The following BMPR1B variants were observed in gnomAD, a reference collection of about 807,000 sequenced individuals.
The protein encoded by BMPR1B is bone morphogenetic protein receptor type-1B.
Under a neutral mutation model 59.1 loss-of-function variants are expected in BMPR1B, and 12 were observed. The observed-to-expected ratio is 0.20, with a 90% CI of 0.13 to 0.33. The LOEUF is 0.33. Ranked by LOEUF, BMPR1B falls within the 10% of genes least tolerant of loss-of-function variation. The probability of loss-of-function intolerance (pLI) is 1.00; values close to 1 mark genes in which losing one functional copy is unlikely to be tolerated. For synonymous variants in BMPR1B, 237 were observed against 207.3 expected (o/e 1.14, Z -1.23); for missense variants, 550 against 610.9 (o/e 0.90, Z 1.05).
intron 3 of BMPR1B, among the ~76,000 whole-genome samples, chr4:95,028,202 A>G (rs970621686): frequency 2.6e-5 from 4 of 152,170 alleles, no homozygotes; most frequent in Non-Finnish European, 5.9e-5. Flanking sequence ...ACCTTTTTCT[A>G]TTAATTATTT....
chr4:94,840,182 G>T (rs1381660279), intron 1 of BMPR1B, among the ~76,000 whole-genome samples: 1 of 147,506 alleles, frequency 6.8e-6, no homozygotes, highest in Non-Finnish European at 1.5e-5. Flanking sequence ...TTTCTCTCTG[G>T]CTGCCCTTAA....
At chr4:94,963,903 A>C (rs906679479) in intron 2 of BMPR1B, among the ~76,000 whole-genome samples, 7 of 152,088 alleles carry the variant, frequency 4.6e-5, no homozygotes, top group Non-Finnish European at 7.4e-5. Context: ...ATTTCATTAA[A>C]TCTGTAGGTC....
At chr4:95,137,649 A>C (rs1733899569) in intron 10 of BMPR1B, among the ~76,000 whole-genome samples, 1 of 152,070 alleles carries the variant, frequency 6.6e-6, no homozygotes. Flanking sequence ...TGATCCCTTT[A>C]CCATTATGTA....
intron 2 of BMPR1B, among the ~76,000 whole-genome samples, chr4:94,913,764 G>C (rs970246834): frequency 6.6e-6 from 1 of 152,088 alleles, no homozygotes; most frequent in Non-Finnish European, 1.5e-5. Context: ...TTTCAGTGAA[G>C]CATCATTCAA....
At chr4:94,970,361 G>C (rs531788284) in intron 2 of BMPR1B, among the ~76,000 whole-genome samples, 1 of 148,874 alleles carries the variant, frequency 6.7e-6, no homozygotes, top group African/African-American at 2.5e-5. Flanking sequence ...TGTCACCCAG[G>C]CTGGAGTGTG....
At chr4:95,103,158 T>A (rs1387111038) in intron 3 of BMPR1B, among the ~76,000 whole-genome samples, 1 of 152,048 alleles carries the variant, frequency 6.6e-6, no homozygotes, top group Non-Finnish European at 1.5e-5. Flanking sequence ...TATTGCTTTT[T>A]CTTTCAACTA....
At chr4:94,790,377 T>G (rs922484418) in intron 1 of BMPR1B, among the ~76,000 whole-genome samples, 5 of 152,210 alleles carry the variant, frequency 3.3e-5, no homozygotes, top group Non-Finnish European at 5.9e-5. Context: ...CATGATCAGA[T>G]TATCAGTTTT....
At chr4:94,902,511 A>G (rs17022512) in intron 2 of BMPR1B, among the ~76,000 whole-genome samples, 2,953 of 152,022 alleles carry the variant, frequency 0.019, 110 homozygotes, top group African/African-American at 0.066. Context: ...TGTTTTAGCT[A>G]TTATCTAGAA....
At chr4:94,928,162 G>C (rs1362630641) in intron 2 of BMPR1B, among the ~76,000 whole-genome samples, 1 of 149,312 alleles carries the variant, frequency 6.7e-6, no homozygotes, top group Non-Finnish European at 1.5e-5. Context: ...CTGTTTTATT[G>C]TATTTTTTTT....
chr4:95,152,129 T>C (rs994155373), intron 11 of BMPR1B, among the ~76,000 whole-genome samples: 23 of 152,328 alleles, frequency 1.5e-4, no homozygotes, highest in African/African-American at 5.0e-4. Flanking sequence ...TTTGGGTGTC[T>C]GTAATTTTCT....
chr4:94,882,887 G>T (rs540076548), intron 2 of BMPR1B, among the ~76,000 whole-genome samples: 4 of 152,156 alleles, frequency 2.6e-5, no homozygotes, highest in African/African-American at 9.7e-5. Flanking sequence ...ATCACCTTCA[G>T]AATGCTTAGA....
intron 3 of BMPR1B, among the ~76,000 whole-genome samples, chr4:95,079,827 C>T (rs547064479): frequency 2.4e-4 from 36 of 151,780 alleles, no homozygotes; most frequent in African/African-American, 8.7e-4. Flanking sequence ...AATAGGCAAA[C>T]AAAAGCAAAA....
rs776077710 is a variant in BMPR1B at position 95,108,595 on chromosome 4, G to T, written c.143+4028G>T. ...ACCATTAATTACTCTATCAGCCTTC[G>T]CCAAGGCCAGAGTCATTCTTGGCTT... On this transcript the variant is annotated intron_variant, in intron 4 of 12. Transcript: ENST00000515059. 5.3e-5 allele frequency among the ~76,000 whole-genome samples: 8 copies of T among 151,936 alleles called. No individual in the cohort carries two copies. In the South Asian group the frequency reaches 1.5e-3, roughly 28 times the overall value.
chr4:94,975,429 T>G (rs1394402301), intron 2 of BMPR1B, among the ~76,000 whole-genome samples: 1 of 143,386 alleles, frequency 7.0e-6, no homozygotes, highest in Non-Finnish European at 1.5e-5. Context: ...AGTGGTGCAG[T>G]CACGACTCAC....
At chr4:94,790,596 G>A (rs1722944897) in intron 1 of BMPR1B, among the ~76,000 whole-genome samples, 1 of 152,180 alleles carries the variant, frequency 6.6e-6, no homozygotes, top group South Asian at 2.1e-4. Flanking sequence ...TTGCAATCTA[G>A]GGGACATTGA....
chr4:94,982,204 T>G (rs919088778), intron 2 of BMPR1B, among the ~76,000 whole-genome samples: 2 of 152,126 alleles, frequency 1.3e-5, no homozygotes, highest in African/African-American at 4.8e-5. Flanking sequence ...ATTATTTGAG[T>G]TTTTAGAGGC....
intron 10 of BMPR1B, among the ~76,000 whole-genome samples, chr4:95,143,463 A>G (rs1388795035): frequency 6.6e-6 from 1 of 151,926 alleles, no homozygotes. Context: ...CTCTCTCTCA[A>G]AGTCTTTCCC....
intron 2 of BMPR1B, among the ~76,000 whole-genome samples, chr4:94,907,827 T>C (rs1450356766): frequency 1.3e-5 from 2 of 151,766 alleles, no homozygotes; most frequent in Non-Finnish European, 2.9e-5. Context: ...TTAATACTCC[T>C]TTTTCTATCT....
At chr4:94,957,357 T>A in intron 2 of BMPR1B, among the ~76,000 whole-genome samples, 1 of 130,194 alleles carries the variant, frequency 7.7e-6, no homozygotes, top group Admixed American at 8.1e-5. Context: ...TTTTTTTTTT[T>A]TTTCCTTTTG....
Sources: gnomAD v4.1 joint callset for allele counts (sites outside exome capture counted in the v4.1 genomes callset) on GRCh38, gnomAD v4.1.1 for gene constraint, MANE v1.5 for transcripts, NCBI Gene and HGNC (gene_info 2026-07-23, HGNC 2026-07-21) for gene names.